Variants in PARD3B observed in about 807,000 individuals in gnomAD.
The protein encoded by PARD3B is partitioning defective 3 homolog B.
PARD3B carries 103 observed loss-of-function variants against 130.2 expected under a neutral mutation model. The observed-to-expected ratio is 0.79, with a 90% CI of 0.67 to 0.93. The LOEUF (loss-of-function observed/expected upper bound fraction) is 0.93. Ranked by LOEUF, PARD3B falls within the 40% of genes least tolerant of loss-of-function variation. The probability of loss-of-function intolerance (pLI) is 0.00; values close to 1 mark genes in which losing one functional copy is unlikely to be tolerated. For synonymous variants in PARD3B, 583 were observed against 553.2 expected (o/e 1.05, Z -0.76); for missense variants, 1,609 against 1,499.2 (o/e 1.07, Z -1.21).
chr2:205,567,568 C>T (rs571505923), intron 22 of PARD3B, among the ~76,000 whole-genome samples: 16 of 149,044 alleles, frequency 1.1e-4, no homozygotes, highest in South Asian at 2.1e-4. Flanking sequence ...ATGATCCACC[C>T]GCCTCGGCCT....
In PARD3B at chr2:205,550,966, TATATATATATACAC is replaced by T. The variant is rs1559207033; in HGVS notation, c.3181-2356_3181-2343del. On this transcript the variant is annotated intron_variant, in intron 21 of 22. Coordinates refer to ENST00000406610, the MANE Select transcript of PARD3B (RefSeq NM_001302769.2). This position sits in a 1 kb window ranked among gnomAD's most constrained non-coding sequence, Gnocchi z 4.5. Reference sequence around the variant, plus strand: ...GTATATATATATGTGTATATATATATATATATATATACACACACACACACACACACACACACATA... The same window carrying T: ...GTATATATATATGTGTATATATATATACACACACACACACACACACACATA... Among the ~76,000 whole-genome samples, 133 of 105,924 alleles carry T rather than the reference TATATATATATACAC, an allele frequency of 1.3e-3. 2 individuals carry two copies. In the South Asian group the frequency reaches 0.016, roughly 12 times the overall value. The allele number at this position is 105,924 out of a possible 152,430, so 69.5% of individuals were successfully genotyped here.
chr2:205,301,238 A>G lies in PARD3B; in HGVS notation c.2393-226A>G, dbSNP rs1225482018. Among the ~76,000 whole-genome samples, 2 of 152,194 alleles carry G rather than the reference A, an allele frequency of 1.3e-5. No homozygotes were observed. The highest frequency in any genetic ancestry group is 1.3e-4 in the Admixed American group (2 of 15,282). Reference sequence around the variant, plus strand: ...TGCTTGAACACATATCAAGCCTTTCATACTACCAGCTAAGCAACCGGTTGT... The same window carrying G: ...TGCTTGAACACATATCAAGCCTTTCGTACTACCAGCTAAGCAACCGGTTGT... On this transcript the variant is annotated intron_variant, in intron 17 of 22. Coordinates refer to ENST00000406610, the MANE Select transcript of PARD3B (RefSeq NM_001302769.2). This position sits in a 1 kb window ranked among gnomAD's most constrained non-coding sequence, Gnocchi z 5.2.
chr2:204,924,897 A>G (rs1687476526), intron 2 of PARD3B, among the ~76,000 whole-genome samples: 1 of 151,962 alleles, frequency 6.6e-6, no homozygotes, highest in African/African-American at 2.4e-5. Context: ...TTTTCAATAA[A>G]GAGAACAGTG....
At chr2:204,831,814 G>C (rs1328436761) in intron 2 of PARD3B, among the ~76,000 whole-genome samples, 1 of 150,118 alleles carries the variant, frequency 6.7e-6, no homozygotes, top group Non-Finnish European at 1.5e-5. Context: ...AAAGCTTCCA[G>C]ATTTTTTTTT....
Position 205,322,889 on chromosome 2 carries a change from C to CTTTT in PARD3B, c.2630+21227_2630+21230dup, listed in dbSNP as rs71032461. Among the ~76,000 whole-genome samples, 80 of 51,464 alleles carry CTTTT rather than the reference C, an allele frequency of 1.6e-3. 16 individuals carry two copies. The highest frequency in any genetic ancestry group is 3.4e-3 in the East Asian group (5 of 1,474). 33.8% of individuals were successfully genotyped at this position (51,464 alleles called of 152,430 possible). A position where few individuals can be genotyped will look rare whatever the true frequency, so the allele number is the denominator to read the frequency against. ...TGTTGTTATATCATTATTAACACCT[C>CTTTT]TTTTTTTTTTTTTTTTTTTTTTTTT... On this transcript the variant is annotated intron_variant, in intron 18 of 22. Transcript: ENST00000406610.
intron 2 of PARD3B, among the ~76,000 whole-genome samples, chr2:204,753,611 A>G (rs2040551349): frequency 1.3e-5 from 2 of 152,198 alleles, no homozygotes; most frequent in African/African-American, 4.8e-5. Context: ...TGTGATTTTG[A>G]CCAAATAAGT....
At chr2:205,155,450 C>T (rs1299459398) in intron 10 of PARD3B, among the ~76,000 whole-genome samples, 3 of 151,772 alleles carry the variant, frequency 2.0e-5, no homozygotes, top group African/African-American at 7.3e-5. Context: ...CTTCAGTTGG[C>T]CAGTGGAGCA....
Position 205,233,193 on chromosome 2 carries a change from A to G in PARD3B, c.2141-12585A>G, listed in dbSNP as rs1302286010. Among the ~76,000 whole-genome samples, 3 of 152,340 alleles carry G rather than the reference A, an allele frequency of 2.0e-5. No individual in the cohort carries two copies. In the South Asian group the frequency reaches 6.2e-4, roughly 32 times the overall value. On this transcript the variant is annotated intron_variant, in intron 15 of 22. Coordinates refer to ENST00000406610, the MANE Select transcript of PARD3B (RefSeq NM_001302769.2). ...ACAGCAGCAGATTTCTCACAGGAAAAATACAAAGGTGTCATCGTGTAACAG... is the reference window on the plus strand; with the variant it reads ...ACAGCAGCAGATTTCTCACAGGAAAGATACAAAGGTGTCATCGTGTAACAG...
At chr2:205,367,075 A>G (rs1271660645) in intron 18 of PARD3B, among the ~76,000 whole-genome samples, 2 of 152,224 alleles carry the variant, frequency 1.3e-5, no homozygotes, top group Non-Finnish European at 2.9e-5. Flanking sequence ...TAAAATTTCT[A>G]CTGATACCTT....
chr2:204,619,335 G>A (rs1357746699), intron 1 of PARD3B, among the ~76,000 whole-genome samples: 2 of 152,104 alleles, frequency 1.3e-5, no homozygotes, highest in African/African-American at 4.8e-5. Flanking sequence ...ATTTCATCAT[G>A]GGCTACTAGT....
chr2:205,249,429 C>T (rs1023182273), intron 16 of PARD3B, among the ~76,000 whole-genome samples: 18 of 151,998 alleles, frequency 1.2e-4, no homozygotes, highest in African/African-American at 2.4e-5. Context: ...TGCCAAGTTC[C>T]ATCTGTTGGT....
chr2:205,571,312 T>G (rs1234382457), intron 22 of PARD3B, among the ~76,000 whole-genome samples: 1 of 152,200 alleles, frequency 6.6e-6, no homozygotes, highest in South Asian at 2.1e-4. Context: ...CATGTGAAAT[T>G]TTTTTTACAT....
intron 20 of PARD3B, among the ~76,000 whole-genome samples, chr2:205,478,479 A>G (rs1197505066): frequency 1.3e-5 from 2 of 152,132 alleles, no homozygotes; most frequent in African/African-American, 4.8e-5. Flanking sequence ...TCTTATTCCT[A>G]ACGTCATAGT....
At chr2:205,542,555 T>C (rs2052203973) in intron 21 of PARD3B, among the ~76,000 whole-genome samples, 1 of 152,202 alleles carries the variant, frequency 6.6e-6, no homozygotes, top group African/African-American at 2.4e-5. Flanking sequence ...ACTTGGTTAA[T>C]ATAAATTTGA....
intron 21 of PARD3B, among the ~76,000 whole-genome samples, chr2:205,542,523 C>T (rs2052202403): frequency 6.6e-6 from 1 of 152,126 alleles, no homozygotes; most frequent in Admixed American, 6.5e-5. Context: ...TTGAACTCAG[C>T]TGCTGCAGTC....
intron 3 of PARD3B, 49 bp downstream of exon 3, chr2:204,965,372 A>G: frequency 6.5e-7 from 1 of 1,548,448 alleles, no homozygotes; most frequent in Non-Finnish European, 8.8e-7. Context: ...AAGATCCGTC[A>G]TCTTGTTGAT....
chr2:204,671,673 A>G (rs2036309079), intron 1 of PARD3B, among the ~76,000 whole-genome samples: 1 of 152,128 alleles, frequency 6.6e-6, no homozygotes. Context: ...TTGTTTGGGG[A>G]TGATTTTCAG....
In PARD3B at chr2:205,188,619, C is replaced by T. The variant is rs556205732; in HGVS notation, c.2024+2756C>T. Among the ~76,000 whole-genome samples, 36 of 152,178 alleles carry T rather than the reference C, an allele frequency of 2.4e-4. 1 individual carries two copies. The highest frequency in any genetic ancestry group is 2.2e-3 in the Admixed American group (34 of 15,280). ...AAGGAACAAGTCTTAAGCCTTGAAA[C>T]TCTCCCCTCCTAGGATCGTGTGACC... On this transcript the variant is annotated intron_variant, in intron 14 of 22. Coordinates refer to ENST00000406610, the MANE Select transcript of PARD3B (RefSeq NM_001302769.2).
chr2:205,103,182 G>A (rs111692029), intron 4 of PARD3B, among the ~76,000 whole-genome samples: 45,113 of 91,036 alleles, frequency 0.5, 9,365 homozygotes, highest in East Asian at 0.61. Flanking sequence ...TTTATGTAAA[G>A]TAAACATTTT....
Sources: gnomAD v4.1 joint callset for allele counts (sites outside exome capture counted in the v4.1 genomes callset) on GRCh38, gnomAD v4.1.1 for gene constraint, Gnocchi (gnomAD v3.1) non-coding constraint, MANE v1.5 for transcripts, NCBI Gene and HGNC (gene_info 2026-07-23, HGNC 2026-07-21) for gene names.